AP3B1: variants seen among roughly 807,000 people sequenced by gnomAD.
The protein encoded by AP3B1 is adaptor related protein complex 3 subunit beta 1.
A neutral mutation model predicts 132.5 loss-of-function variants in AP3B1; 61 were observed. The ratio of observed to expected loss-of-function variants is 0.46; its 90% CI spans 0.37 to 0.57. The LOEUF (loss-of-function observed/expected upper bound fraction) is 0.57, where lower values mean the gene tolerates loss of function less well. AP3B1 is among the 20% of genes least tolerant of loss of function. The probability of loss-of-function intolerance (pLI) is 0.00; values close to 1 mark genes in which losing one functional copy is unlikely to be tolerated. For synonymous variants in AP3B1, 388 were observed against 438.3 expected (o/e 0.89, Z 1.43); for missense variants, 1,120 against 1,289.4 (o/e 0.87, Z 2.01).
intron 14 of AP3B1, among the ~76,000 whole-genome samples, chr5:78,147,018 T>A (rs1373995606): frequency 6.6e-6 from 1 of 152,022 alleles, no homozygotes; most frequent in African/African-American, 2.4e-5. Flanking sequence ...AGGTTTTAGC[T>A]ATATTTACTA....
intron 3 of AP3B1, 109 bp from the exon 4 acceptor site, chr5:78,228,348 T>C (rs1418068915): frequency 1.4e-6 from 1 of 701,668 alleles, no homozygotes; most frequent in East Asian, 2.8e-5. Context: ...CTGAATCTGG[T>C]CACATGTTAG....
rs139657277 is a variant in AP3B1, at chr5:78,254,416, A to G, written c.204+13104T>C. 3.9e-3 allele frequency among the ~76,000 whole-genome samples: 593 copies of G among 152,316 alleles called. 4 individuals are homozygous for G. Among genetic ancestry groups the G allele is most frequent in the African/African-American group, 0.014 (568 of 41,560 alleles). ...AGAAGCCTACCTCGAGACATTTAAT[A>G]ATCAGACTCCCAAAGGTCAAGGATA... is the stretch of plus-strand genomic sequence containing the variant. On this transcript the variant is annotated intron_variant, in intron 2 of 26. Coordinates refer to ENST00000255194, the MANE Select transcript of AP3B1 (RefSeq NM_003664.5).
chr5:78,222,470 A>T (rs1746220431), intron 6 of AP3B1: 1 of 152,434 alleles, frequency 6.6e-6, no homozygotes, highest in South Asian at 2.1e-4. Context: ...TTTCTGCAAT[A>T]TCTGGTAGTC....
At chr5:78,074,711 G>T (rs374106962) in intron 22 of AP3B1, among the ~76,000 whole-genome samples, 23 of 152,156 alleles carry the variant, frequency 1.5e-4, no homozygotes, top group Non-Finnish European at 2.9e-4. Context: ...CACTTTGGGA[G>T]GCTGAGACAG....
intron 2 of AP3B1, among the ~76,000 whole-genome samples, chr5:78,264,830 T>G (rs1044294932): frequency 3.3e-5 from 5 of 152,242 alleles, no homozygotes; most frequent in African/African-American, 4.8e-5. Flanking sequence ...TGACAAAAAT[T>G]TTAAGCATCA....
chr5:78,053,403 C>T (rs563889688), intron 22 of AP3B1, among the ~76,000 whole-genome samples: 3 of 152,134 alleles, frequency 2.0e-5, no homozygotes, highest in East Asian at 1.9e-4. Flanking sequence ...AAGTCCCAGT[C>T]GGGTGCAGCG....
intron 17 of AP3B1, among the ~76,000 whole-genome samples, chr5:78,117,031 G>A (rs902939096): frequency 6.6e-6 from 1 of 151,946 alleles, no homozygotes; most frequent in African/African-American, 2.4e-5. Flanking sequence ...CCCGTCGCCT[G>A]CCTCTCTCAC....
At position 78,141,156 on chromosome 5, in the gene AP3B1, G is replaced by A. The variant is rs757116850; in HGVS notation, c.1637C>T (p.Thr546Ile). Reference sequence around the variant, plus strand: ...TTTGCCTCTCACCTGTTTGGAGTTGGTTAAATACAATTTTGCTCCCAGATT... The same window carrying A: ...TTTGCCTCTCACCTGTTTGGAGTTGATTAAATACAATTTTGCTCCCAGATT... ...ILNLGAKLYL[T>I]NSKQTKLLTQ... Residue 546 changes from threonine (T) to isoleucine (I), a missense_variant, in exon 15 of 27, where the codon ACC (threonine) becomes ATC (isoleucine). Physicochemically the swap from Thr to Ile is moderately conservative, Grantham distance 89. Around this residue, in one of 3 missense-constraint regions of AP3B1, gnomAD observed 906 missense variants for 997.1 expected, o/e 0.91. Coordinates refer to ENST00000255194, the MANE Select transcript of AP3B1 (RefSeq NM_003664.5). 6.2e-7 allele frequency: 1 copy of A among 1,613,560 alleles called. No individual in the cohort carries two copies. Among genetic ancestry groups the A allele is most frequent in the South Asian group, 1.1e-5 (1 of 91,066 alleles).
At chr5:78,136,455 T>A (rs1394085170) in intron 15 of AP3B1, among the ~76,000 whole-genome samples, 1 of 152,168 alleles carries the variant, frequency 6.6e-6, no homozygotes, top group East Asian at 1.9e-4. Flanking sequence ...TGCACCCAGC[T>A]AAACAGAGAT....
chr5:78,010,213 C>T (rs1352790049), intron 26 of AP3B1, among the ~76,000 whole-genome samples: 1 of 152,204 alleles, frequency 6.6e-6, no homozygotes, highest in African/African-American at 2.4e-5. Flanking sequence ...GCATCCCTTA[C>T]TGACTAATCA....
At chr5:78,196,530 A>G (rs766104944) in intron 7 of AP3B1, among the ~76,000 whole-genome samples, 3 of 152,198 alleles carry the variant, frequency 2.0e-5, no homozygotes, top group Admixed American at 6.5e-5. Flanking sequence ...ATATCTACCC[A>G]AAAAAGCTGA....
intron 7 of AP3B1, among the ~76,000 whole-genome samples, chr5:78,191,513 C>G (rs1029230386): frequency 6.6e-6 from 1 of 152,114 alleles, no homozygotes; most frequent in Non-Finnish European, 1.5e-5. Context: ...CTCTCCTAGT[C>G]TTTGGTTTAA....
At chr5:78,215,400 T>C (rs1460858484) in intron 7 of AP3B1, among the ~76,000 whole-genome samples, 2 of 152,036 alleles carry the variant, frequency 1.3e-5, no homozygotes, top group Non-Finnish European at 2.9e-5. Flanking sequence ...TGATAAAATT[T>C]TCTAAATTGT....
At chr5:78,203,381 A>T (rs1745374642) in intron 7 of AP3B1, among the ~76,000 whole-genome samples, 1 of 152,182 alleles carries the variant, frequency 6.6e-6, no homozygotes, top group Admixed American at 6.5e-5. Context: ...TGAAGGGGAA[A>T]GCCCCTTATA....
intron 25 of AP3B1, among the ~76,000 whole-genome samples, chr5:78,018,661 AAGCTGGTGTAACAC>A (rs1350201505): frequency 6.9e-6 from 1 of 143,966 alleles, no homozygotes; most frequent in Non-Finnish European, 1.5e-5. Flanking sequence ...AAATCGGTTA[AAGCTGGTGTAACAC>A]ACACACACAC....
chr5:78,167,461 T>C (rs908225213), intron 11 of AP3B1, among the ~76,000 whole-genome samples: 2 of 152,132 alleles, frequency 1.3e-5, no homozygotes, highest in Non-Finnish European at 2.9e-5. Context: ...GTAGAACTAC[T>C]GTTTGATCCA....
At chr5:78,117,823 G>C (rs1225466178) in intron 17 of AP3B1, among the ~76,000 whole-genome samples, 16 of 152,234 alleles carry the variant, frequency 1.1e-4, no homozygotes, top group African/African-American at 3.4e-4. Context: ...TCATGGCCTT[G>C]ATTTGTCAAG....
intron 1 of AP3B1, among the ~76,000 whole-genome samples, chr5:78,279,763 T>A (rs1409104183): frequency 6.8e-6 from 1 of 148,066 alleles, no homozygotes; most frequent in East Asian, 1.9e-4. Flanking sequence ...AAATATATAT[T>A]TTTTAACATA....
chr5:78,248,969 TTTTTGG>T (rs1274916211), intron 2 of AP3B1, among the ~76,000 whole-genome samples: 2 of 152,216 alleles, frequency 1.3e-5, no homozygotes, highest in Non-Finnish European at 2.9e-5. Context: ...CAAGACTTTA[TTTTTGG>T]TTTTCAACCA....
Sources: gnomAD v4.1 joint callset for allele counts (sites outside exome capture counted in the v4.1 genomes callset) on GRCh38, gnomAD v4.1.1 for gene constraint, gnomAD v4.1.1 regional missense constraint, MANE v1.5 for transcripts, NCBI Gene and HGNC (gene_info 2026-07-23, HGNC 2026-07-21) for gene names.